Variants in CSMD1 observed in about 807,000 individuals in gnomAD.
The protein encoded by CSMD1 is CUB and Sushi multiple domains 1.
In CSMD1, 213 loss-of-function variants were observed where a neutral mutation model predicts 417.5. The ratio of observed to expected loss-of-function variants is 0.51; its 90% CI spans 0.46 to 0.57. The LOEUF is 0.57. CSMD1 is among the 20% of genes least tolerant of loss of function. CSMD1 has a pLI of 0.00. For synonymous variants in CSMD1, 2,862 were observed against 1,736.8 expected, an observed-to-expected ratio of 1.65 and a Z score of -16.11; for missense variants, 6,923 against 4,529.7, an observed-to-expected ratio of 1.53 and a Z score of -15.17.
intron 5 of CSMD1, chr8:3,949,971 T>C (rs1400485063): frequency 4.4e-6 from 2 of 455,718 alleles, no homozygotes; most frequent in Non-Finnish European, 8.8e-6. Context: ...GAGCGACGTG[T>C]CTCCAGGCTT....
In CSMD1 at chr8:4,033,145, A is replaced by AAG. The variant is rs1554521987; in HGVS notation, c.416-1047_416-1046insCT. Reference sequence around the variant, plus strand: ...TTTCCAATATGAAAAAAAAAAAAAAAAAAAAAAAAACCTGGCCAGGCACGG... The same window carrying AAG: ...TTTCCAATATGAAAAAAAAAAAAAAAAGAAAAAAAAAACCTGGCCAGGCACGG... On this transcript the variant is annotated intron_variant, in intron 3 of 69. Transcript: ENST00000635120. Among the ~76,000 whole-genome samples, 519 of 150,680 alleles carry AAG rather than the reference A, an allele frequency of 3.4e-3. 4 individuals carry two copies. The highest frequency in any genetic ancestry group is 0.012 in the African/African-American group (489 of 41,038).
intron 5 of CSMD1, among the ~76,000 whole-genome samples, chr8:3,857,762 A>C (rs886263288): frequency 1.3e-5 from 2 of 152,206 alleles, no homozygotes; most frequent in Admixed American, 6.5e-5. Context: ...ATAGGTAAAA[A>C]TGTGAAGAGA....
chr8:3,494,601 TAG>T (rs879636640), intron 10 of CSMD1, among the ~76,000 whole-genome samples: 4 of 137,528 alleles, frequency 2.9e-5, no homozygotes, highest in East Asian at 2.1e-4. Flanking sequence ...GATAGATAGA[TAG>T]ATAGATGACA....
At position 4,267,266 on chromosome 8, in the gene CSMD1, TATC is replaced by T. The variant is rs1275189508; in HGVS notation, c.415+152684_415+152686del. 2.9e-5 allele frequency among the ~76,000 whole-genome samples: 3 copies of T among 103,696 alleles called. 1 individual carries two copies. The highest frequency in any genetic ancestry group is 1.8e-4 in the Admixed American group (2 of 10,900). 68.0% of individuals were successfully genotyped at this position (103,696 alleles called of 152,430 possible). A position where few individuals can be genotyped will look rare whatever the true frequency, so the allele number is the denominator to read the frequency against. On this transcript the variant is annotated intron_variant, in intron 3 of 69. Coordinates refer to ENST00000635120, the MANE Select transcript of CSMD1 (RefSeq NM_033225.6). ...CAATGAAGTTGCTACTTAGAAAATA[TATC>T]ATGTTTTAATATGTATTAGCTATAA...
At chr8:4,827,207 G>A (rs1035337290) in intron 1 of CSMD1, among the ~76,000 whole-genome samples, 1 of 152,084 alleles carries the variant, frequency 6.6e-6, no homozygotes, top group Admixed American at 6.6e-5. Context: ...ACCTCAGAAT[G>A]TATCTGCTTT....
At chr8:4,562,693 C>T (rs968414978) in intron 2 of CSMD1, among the ~76,000 whole-genome samples, 1 of 152,082 alleles carries the variant, frequency 6.6e-6, no homozygotes. Flanking sequence ...GGTGTTCAGG[C>T]CCAGAACACC....
chr8:4,272,407 G>C (rs1239088124), intron 3 of CSMD1, among the ~76,000 whole-genome samples: 1 of 152,092 alleles, frequency 6.6e-6, no homozygotes, highest in Non-Finnish European at 1.5e-5. Flanking sequence ...TATAGACAAT[G>C]AGGATTACAT....
chr8:3,173,860 A>G (rs888536451), intron 37 of CSMD1, among the ~76,000 whole-genome samples: 10 of 152,206 alleles, frequency 6.6e-5, no homozygotes, highest in African/African-American at 2.2e-4. Flanking sequence ...TGTGCTTATA[A>G]GGATTATTGT....
intron 1 of CSMD1, among the ~76,000 whole-genome samples, chr8:4,861,907 C>A (rs1802158937): frequency 6.6e-6 from 1 of 152,016 alleles, no homozygotes; most frequent in Non-Finnish European, 1.5e-5. Flanking sequence ...GAAGAACTTT[C>A]CACTTATTAT....
chr8:3,754,702 G>T lies in CSMD1; in HGVS notation c.819-660C>A, dbSNP rs1246655829. Reference sequence around the variant, plus strand: ...ACTTGTGACCTCAGGTGATCTGCCTGCCTTGGCCTTCCAAAGTGCTTGGAT... The same window carrying T: ...ACTTGTGACCTCAGGTGATCTGCCTTCCTTGGCCTTCCAAAGTGCTTGGAT... On this transcript the variant is annotated intron_variant, in intron 5 of 69. Coordinates refer to ENST00000635120, the MANE Select transcript of CSMD1 (RefSeq NM_033225.6). Among the ~76,000 whole-genome samples the T allele has an allele frequency of 3.3e-5, 5 of 152,202 alleles. No individual in the cohort carries two copies. The East Asian group carries it at 9.6e-4, about 29-fold the overall frequency.
At chr8:4,599,780 G>A (rs1233437354) in intron 2 of CSMD1, among the ~76,000 whole-genome samples, 1 of 152,084 alleles carries the variant, frequency 6.6e-6, no homozygotes, top group Non-Finnish European at 1.5e-5. Context: ...TTCACACAGT[G>A]GATACTGTAA....
intron 3 of CSMD1, among the ~76,000 whole-genome samples, chr8:4,366,076 C>A (rs1416700748): frequency 3.3e-5 from 5 of 152,102 alleles, no homozygotes; most frequent in Non-Finnish European, 5.9e-5. Flanking sequence ...CCATGAGCCT[C>A]TCCTACCCTC....
chr8:3,307,229 C>T (rs959523787), intron 25 of CSMD1, among the ~76,000 whole-genome samples: 2 of 151,994 alleles, frequency 1.3e-5, no homozygotes, highest in Admixed American at 6.6e-5. Context: ...TTGTTCATCC[C>T]TTGCTGCTAC....
chr8:4,158,543 C>T (rs1234126922), intron 3 of CSMD1, among the ~76,000 whole-genome samples: 1 of 152,180 alleles, frequency 6.6e-6, no homozygotes, highest in Non-Finnish European at 1.5e-5. Context: ...AACACAGCCG[C>T]TAGGTTGTGT....
chr8:3,067,122 TGAATGGACCCCAC>T (rs1563300985), intron 49 of CSMD1, among the ~76,000 whole-genome samples: 5 of 152,110 alleles, frequency 3.3e-5, no homozygotes, highest in African/African-American at 1.2e-4. Flanking sequence ...GTCTACGGAA[TGAATGGACCCCAC>T]GTATGCACCT....
At chr8:3,862,290 C>G (rs889031629) in intron 5 of CSMD1, among the ~76,000 whole-genome samples, 1 of 152,184 alleles carries the variant, frequency 6.6e-6, no homozygotes, top group Non-Finnish European at 1.5e-5. Context: ...CCTCTTAGAA[C>G]GAATTTACAT....
chr8:4,107,148 C>A (rs1221395958), intron 3 of CSMD1, among the ~76,000 whole-genome samples: 1 of 152,168 alleles, frequency 6.6e-6, no homozygotes, highest in Non-Finnish European at 1.5e-5. Flanking sequence ...TTCTACTACA[C>A]ACAATTCCAG....
At chr8:4,780,254 G>A (rs535146286) in intron 1 of CSMD1, among the ~76,000 whole-genome samples, 53 of 152,328 alleles carry the variant, frequency 3.5e-4, no homozygotes, top group Non-Finnish European at 5.9e-4. Context: ...CTGAAGGTGT[G>A]CAGATTGGCA....
chr8:4,709,860 G>A (rs1266735433), intron 1 of CSMD1, among the ~76,000 whole-genome samples: 3 of 152,046 alleles, frequency 2.0e-5, no homozygotes, highest in South Asian at 2.1e-4. Flanking sequence ...TGAAATCAAC[G>A]GAAAAGTCTC....
Sources: gnomAD v4.1 joint callset for allele counts (sites outside exome capture counted in the v4.1 genomes callset) on GRCh38, gnomAD v4.1.1 for gene constraint, MANE v1.5 for transcripts, NCBI Gene and HGNC (gene_info 2026-07-23, HGNC 2026-07-21) for gene names.